Variants in CELF2 observed in about 807,000 individuals in gnomAD.
The protein encoded by CELF2 is CUG triplet repeat RNA-binding protein 2.
A neutral mutation model predicts 62.6 loss-of-function variants in CELF2; 8 were observed. The observed-to-expected ratio is 0.13, with a 90% CI of 0.07 to 0.23. CELF2 has a LOEUF of 0.23. Among genes scored for constraint, CELF2 ranks in the 10% least tolerant of loss-of-function variants. The pLI is 1.00. For synonymous variants in CELF2, 258 were observed against 250.0 expected (o/e 1.03, Z -0.30); for missense variants, 333 against 671.0 (o/e 0.50, Z 5.56).
chr10:10,710,363 T>G, the CELF2 span, among the ~76,000 whole-genome samples: 8 of 152,204 alleles, frequency 5.3e-5, no homozygotes, highest in Non-Finnish European at 1.0e-4. Context: ...AATTAGTGTC[T>G]AGGCAAAAAT....
the CELF2 span, among the ~76,000 whole-genome samples, chr10:10,785,987 A>G: frequency 6.6e-6 from 1 of 152,244 alleles, no homozygotes; most frequent in African/African-American, 2.4e-5. Flanking sequence ...GTCAGGTTGT[A>G]TATCATAAAT....
chr10:10,957,618 A>G lies in CELF2; in HGVS notation c.89+37619A>G, dbSNP rs977476674. Among the ~76,000 whole-genome samples, 1 of 152,186 alleles carries G rather than the reference A, an allele frequency of 6.6e-6. No homozygotes were observed. The highest frequency in any genetic ancestry group is 1.5e-5 in the Non-Finnish European group (1 of 68,028). ...AGTCAGTGGGCAACCTCTTACCTGA[A>G]GAACACGTTCAGGATCACTTCTGTG... On this transcript the variant is annotated intron_variant, in intron 2 of 13. Transcript: ENST00000636488. The surrounding 1 kb of genome is among the most constrained non-coding windows in gnomAD (Gnocchi z 4.1).
intron 1 of CELF2, among the ~76,000 whole-genome samples, chr10:10,907,767 C>T (rs749938481): frequency 1.3e-5 from 2 of 151,982 alleles, no homozygotes; most frequent in Non-Finnish European, 2.9e-5. Context: ...AGAAAAAAGA[C>T]GTATTGGAGA....
chr10:10,584,433 G>T, the CELF2 span, among the ~76,000 whole-genome samples: 1 of 152,224 alleles, frequency 6.6e-6, no homozygotes, highest in Non-Finnish European at 1.5e-5. Flanking sequence ...GTGTATGAAT[G>T]GTTGAAGTGT....
chr10:11,135,579 G>C (rs1026979094), intron 1 of CELF2, among the ~76,000 whole-genome samples: 8 of 152,208 alleles, frequency 5.3e-5, no homozygotes, highest in African/African-American at 1.9e-4. Flanking sequence ...GTGAAATACT[G>C]TCTTCTAAAT....
the CELF2 span, among the ~76,000 whole-genome samples, chr10:10,604,370 G>A: frequency 6.6e-6 from 1 of 152,146 alleles, no homozygotes; most frequent in Admixed American, 6.5e-5. Context: ...TTGACCAAAA[G>A]GATAAAACAA....
intron 2 of CELF2, among the ~76,000 whole-genome samples, chr10:10,939,952 T>G (rs371013974): frequency 6.6e-6 from 1 of 152,118 alleles, no homozygotes; most frequent in Middle Eastern, 3.4e-3. Context: ...AGGCTCCATC[T>G]CAAAAAATAA....
chr10:10,632,362 A>G, the CELF2 span, among the ~76,000 whole-genome samples: 2 of 152,080 alleles, frequency 1.3e-5, no homozygotes, highest in Non-Finnish European at 1.5e-5. Flanking sequence ...ACAACTGACT[A>G]TTTCTAGAAG....
chr10:10,684,514 G>A, the CELF2 span, among the ~76,000 whole-genome samples: 6 of 152,268 alleles, frequency 3.9e-5, no homozygotes, highest in South Asian at 4.2e-4. Context: ...AGGACAAGGC[G>A]GGTGGATAGC....
intron 1 of CELF2, among the ~76,000 whole-genome samples, chr10:11,155,839 C>T (rs2064261851): frequency 1.3e-5 from 2 of 152,222 alleles, no homozygotes; most frequent in Admixed American, 1.3e-4. Context: ...TGGCTGCCTT[C>T]CTTAGCCTGG....
chr10:10,537,013 T>C, the CELF2 span, among the ~76,000 whole-genome samples: 2 of 151,986 alleles, frequency 1.3e-5, no homozygotes, highest in East Asian at 1.9e-4. Context: ...CTGGATTCAC[T>C]TGCTGCTGCT....
intron 2 of CELF2, among the ~76,000 whole-genome samples, chr10:11,181,910 T>A (rs529067517): frequency 6.6e-6 from 1 of 152,332 alleles, no homozygotes; most frequent in Admixed American, 6.5e-5. Context: ...TCATGGCACG[T>A]TGACATGGAA....
Position 10,801,148 on chromosome 10 carries a change from G to A in CELF2, c.53+2331G>A, listed in dbSNP as rs189810616. Among the ~76,000 whole-genome samples, 233 of 152,114 alleles carry A rather than the reference G, an allele frequency of 1.5e-3. 2 individuals carry two copies. The highest frequency in any genetic ancestry group is 5.5e-3 in the African/African-American group (227 of 41,498). On this transcript the variant is annotated intron_variant, in intron 1 of 13. Transcript: ENST00000636488. ...ATTTAAGTGAAGCTTAGTTTTGCTA[G>A]AGTAAGTGAAGTTTCAGAAACTTGG...
chr10:11,239,969 C>T (rs775954881), intron 3 of CELF2, among the ~76,000 whole-genome samples: 1 of 152,166 alleles, frequency 6.6e-6, no homozygotes, highest in African/African-American at 2.4e-5. Context: ...AGGAGAATCG[C>T]TTGAACCGAG....
rs186452629 is a variant in CELF2, at chr10:10,968,527, T to C, written c.89+48528T>C. Among the ~76,000 whole-genome samples, 635 of 152,354 alleles carry C rather than the reference T, an allele frequency of 4.2e-3. 3 individuals carry two copies. Among genetic ancestry groups the C allele is most frequent in the Middle Eastern group, 0.017 (5 of 294 alleles). ...CAATGAGTATTGTATATTTTATTGC[T>C]GTCTGTGTGAAGTGGGAGTGTACAG... On this transcript the variant is annotated intron_variant, in intron 2 of 13. Transcript: ENST00000636488.
chr10:11,131,933 C>T (rs750124958), intron 1 of CELF2, among the ~76,000 whole-genome samples: 2 of 152,192 alleles, frequency 1.3e-5, no homozygotes, highest in African/African-American at 4.8e-5. Flanking sequence ...AAACTCATAG[C>T]AGTCTTGGAG....
chr10:11,192,703 C>G (rs2076537720), intron 2 of CELF2, among the ~76,000 whole-genome samples: 1 of 152,212 alleles, frequency 6.6e-6, no homozygotes, highest in Non-Finnish European at 1.5e-5. Flanking sequence ...TCACAGAGTT[C>G]TTTTCACCGA....
the CELF2 span, among the ~76,000 whole-genome samples, chr10:10,752,782 TG>T: frequency 8.0e-6 from 1 of 125,432 alleles, no homozygotes; most frequent in Non-Finnish European, 1.6e-5. Flanking sequence ...GTATTACTCA[TG>T]GGAGCAAAAT....
intron 1 of CELF2, among the ~76,000 whole-genome samples, chr10:10,902,424 G>C (rs1308314010): frequency 6.6e-6 from 1 of 152,240 alleles, no homozygotes; most frequent in Non-Finnish European, 1.5e-5. Flanking sequence ...GAAAGGTAAT[G>C]AGATGTTTAT....
Sources: allele counts gnomAD v4.1 joint callset (sites outside exome capture counted in the v4.1 genomes callset), GRCh38; gene constraint gnomAD v4.1.1; non-coding constraint Gnocchi (gnomAD v3.1); transcripts MANE v1.5; gene names NCBI Gene and HGNC (gene_info 2026-07-23, HGNC 2026-07-21).